TARBP1: variants seen among roughly 807,000 people sequenced by gnomAD.
TARBP1 encodes the protein tRNA (guanosine(18)-2'-O)-methyltransferase TARBP1.
In TARBP1, 144 loss-of-function variants were observed where a neutral mutation model predicts 178.6. That is an observed-to-expected ratio of 0.81 (90% CI 0.70 to 0.93). The LOEUF (loss-of-function observed/expected upper bound fraction) is 0.93. Ranked by LOEUF, TARBP1 falls within the 40% of genes least tolerant of loss-of-function variation. TARBP1 has a pLI of 0.00. For synonymous variants in TARBP1, 787 were observed against 781.0 expected, an observed-to-expected ratio of 1.01 and a Z score of -0.13; for missense variants, 2,067 against 2,011.7, an observed-to-expected ratio of 1.03 and a Z score of -0.53.
At chr1:234,458,582 A>G (rs1667528531) in intron 8 of TARBP1, among the ~76,000 whole-genome samples, 1 of 152,242 alleles carries the variant, frequency 6.6e-6, no homozygotes, top group Admixed American at 6.5e-5. Flanking sequence ...GCCAGCGGCA[A>G]AGCTTTAAAA....
At chr1:234,414,810 C>T (rs977343974) in intron 22 of TARBP1, among the ~76,000 whole-genome samples, 1 of 152,036 alleles carries the variant, frequency 6.6e-6, no homozygotes, top group Non-Finnish European at 1.5e-5. Context: ...CATGGTAAAA[C>T]CCATCTCTAC....
chr1:234,391,818 TTTTG>T (rs537471297), intron 29 of TARBP1, 73 bp from the exon 30 acceptor site: 140 of 1,459,894 alleles, frequency 9.6e-5, no homozygotes, highest in Admixed American at 4.9e-4. Context: ...TCTTTTTATT[TTTTG>T]TTTATTCACT....
intron 12 of TARBP1, among the ~76,000 whole-genome samples, chr1:234,443,005 T>C (rs939464547): frequency 3.9e-5 from 6 of 152,140 alleles, no homozygotes; most frequent in Non-Finnish European, 8.8e-5. Context: ...AAATTATGGT[T>C]TGGGGCTGGG....
Position 234,393,782 on chromosome 1 carries a change from C to A in TARBP1, c.4299G>T (p.Lys1433Asn), listed in dbSNP as rs1217519899. Residue 1433 changes from lysine to asparagine, a missense_variant, in exon 27 of 30, where the codon AAG becomes AAT. By Grantham distance (94) the Lys-to-Asn change is moderately conservative. Transcript: ENST00000040877. ...NQAEWTDVQK[K>N]IIPWNSRVSD... ...AAACACGACTGTTCCACGGGATAAT[C>A]TTCTTCTGAACGTCGGTCCACTCCG... The A allele has an allele frequency of 1.9e-6, 3 of 1,613,954 alleles. No individual in the cohort carries two copies. Among genetic ancestry groups the A allele is most frequent in the Admixed American group, 1.7e-5 (1 of 59,998 alleles).
chr1:234,448,412 G>T, intron 11 of TARBP1, 68 bp downstream of exon 11: 1 of 1,368,020 alleles, frequency 7.3e-7, no homozygotes. Context: ...TCAAAAATCT[G>T]AATACACATC....
At chr1:234,437,473 A>C (rs1665149645) in intron 12 of TARBP1, 101 bp from the exon 13 acceptor site, 1 of 551,648 alleles carries the variant, frequency 1.8e-6, no homozygotes, top group South Asian at 3.5e-5. Flanking sequence ...AAGCACGTGA[A>C]TCACTTGCCA....
intron 12 of TARBP1, among the ~76,000 whole-genome samples, chr1:234,442,852 C>T (rs2103186148): frequency 6.6e-6 from 1 of 152,306 alleles, no homozygotes; most frequent in South Asian, 2.1e-4. Flanking sequence ...ATCATCCCTA[C>T]CCCAGTGGCT....
In TARBP1 at chr1:234,425,242, AAAAC is replaced by A. The variant is rs1487007598; in HGVS notation, c.3444+427_3444+430del. On this transcript the variant is annotated intron_variant, in intron 20 of 29. Transcript: ENST00000040877. ...GCAAGACTCTGTCTCAGAAGAAGAAAAAACAAACAAACAAAAAACACAACCGGGT... is the reference window on the plus strand; with the variant it reads ...GCAAGACTCTGTCTCAGAAGAAGAAAAAACAAACAAAAAACACAACCGGGT... Among the ~76,000 whole-genome samples, 20 of 152,298 alleles carry A rather than the reference AAAAC, an allele frequency of 1.3e-4. No individual in the cohort carries two copies. In the East Asian group the frequency reaches 2.9e-3, roughly 22 times the overall value.
chr1:234,458,294 A>T (rs1667493220), intron 8 of TARBP1, among the ~76,000 whole-genome samples: 1 of 152,200 alleles, frequency 6.6e-6, no homozygotes, highest in African/African-American at 2.4e-5. Flanking sequence ...CAGTGAGCCA[A>T]GATCGTGCCA....
chr1:234,408,645 G>A (rs1041594921), intron 23 of TARBP1, among the ~76,000 whole-genome samples: 5 of 151,952 alleles, frequency 3.3e-5, no homozygotes, highest in African/African-American at 9.7e-5. Flanking sequence ...ATCTGATCTC[G>A]TGGCCCCCAC....
In TARBP1 at chr1:234,463,902, G is replaced by A. The variant is rs370840837; in HGVS notation, c.1334C>T (p.Pro445Leu). The A allele has an allele frequency of 4.0e-5, 63 of 1,593,856 alleles. No individual in the cohort carries two copies. Among genetic ancestry groups the A allele is most frequent in the Non-Finnish European group, 5.0e-5 (58 of 1,170,552 alleles). ...SPGQPIGSCS[P>L]LGLKLQKFLV... Reference sequence around the variant, plus strand: ...AAACTTCTGTAATTTCAGTCCCAATGGAGAACAGCTTCCTATTGGCTGGCC... The same window carrying A: ...AAACTTCTGTAATTTCAGTCCCAATAGAGAACAGCTTCCTATTGGCTGGCC... Residue 445 changes from proline to leucine, a missense_variant, in exon 6 of 30, where the codon CCA becomes CTA. Coordinates refer to ENST00000040877, the MANE Select transcript of TARBP1 (RefSeq NM_005646.4).
At chr1:234,402,602 G>A (rs188291774) in intron 24 of TARBP1, among the ~76,000 whole-genome samples, 2 of 151,664 alleles carry the variant, frequency 1.3e-5, no homozygotes, top group Admixed American at 1.3e-4. Flanking sequence ...TTGAGACAGG[G>A]TCTCACTCGG....
At chr1:234,465,097 T>C (rs1328718341) in intron 5 of TARBP1, among the ~76,000 whole-genome samples, 1 of 151,610 alleles carries the variant, frequency 6.6e-6, no homozygotes, top group East Asian at 1.9e-4. Context: ...GATGGATGGA[T>C]GGATGGCGGA....
intron 13 of TARBP1, among the ~76,000 whole-genome samples, chr1:234,436,513 T>C (rs1164670950): frequency 6.6e-6 from 1 of 152,026 alleles, no homozygotes; most frequent in East Asian, 1.9e-4. Flanking sequence ...CTTCCTTGCC[T>C]TTCTATAATA....
At chr1:234,437,254 G>A (rs1446669022) in intron 13 of TARBP1, 21 bp downstream of exon 13, 6 of 1,216,660 alleles carry the variant, frequency 4.9e-6, no homozygotes, top group Non-Finnish European at 5.8e-6. Flanking sequence ...GAAAAAGAAA[G>A]TTATTCCACT....
At chr1:234,445,102 T>C (rs980505413) in intron 12 of TARBP1, among the ~76,000 whole-genome samples, 12 of 152,322 alleles carry the variant, frequency 7.9e-5, no homozygotes, top group Non-Finnish European at 1.6e-4. Flanking sequence ...GATTTCCATG[T>C]TGCTAAATTG....
chr1:234,464,317 A>G (rs1668209903), intron 5 of TARBP1, among the ~76,000 whole-genome samples: 1 of 152,234 alleles, frequency 6.6e-6, no homozygotes, highest in Non-Finnish European at 1.5e-5. Flanking sequence ...GGTCTAAAAC[A>G]AAAGAAGTAA....
rs2103023568 is a variant in TARBP1 at position 234,391,510 on chromosome 1, T to TGGA, written c.*66_*67insTCC. The TGGA allele has an allele frequency of 6.9e-7, 1 of 1,452,676 alleles. No individual in the cohort carries two copies. The highest frequency in any genetic ancestry group is 2.3e-5 in the East Asian group (1 of 42,588). 90.0% of individuals were successfully genotyped at this position (1,452,676 alleles called of 1,614,324 possible). A position where few individuals can be genotyped will look rare whatever the true frequency, so the allele number is the denominator to read the frequency against. Reference sequence around the variant, plus strand: ...ATCACAATAAATTTCAGAATCTGTTTCTTTAGTCCAAATAGTTTTTTTTAA... The same window carrying TGGA: ...ATCACAATAAATTTCAGAATCTGTTTGGACTTTAGTCCAAATAGTTTTTTTTAA... On this transcript the variant is annotated 3_prime_UTR_variant, in exon 30 of 30. Transcript: ENST00000040877.
At chr1:234,448,916 T>A (rs185793457) in intron 10 of TARBP1, among the ~76,000 whole-genome samples, 1 of 152,244 alleles carries the variant, frequency 6.6e-6, no homozygotes, top group East Asian at 1.9e-4. Context: ...GGGCTACGAA[T>A]GAGAAGTACA....
Sources: gnomAD v4.1 joint callset for allele counts (sites outside exome capture counted in the v4.1 genomes callset) on GRCh38, gnomAD v4.1.1 for gene constraint, MANE v1.5 for transcripts, NCBI Gene and HGNC (gene_info 2026-07-23, HGNC 2026-07-21) for gene names.